The following ZNF710 variants were observed in gnomAD, a reference collection of about 807,000 sequenced individuals.
ZNF710 encodes the protein zinc finger protein 710.
In ZNF710, 13 loss-of-function variants were observed where a neutral mutation model predicts 50.6. The ratio of observed to expected loss-of-function variants is 0.26; its 90% CI spans 0.17 to 0.41. ZNF710 has a LOEUF of 0.41. Ranked by LOEUF, ZNF710 falls within the 10% of genes least tolerant of loss-of-function variation. The pLI is 1.00. For synonymous variants in ZNF710, 383 were observed against 397.0 expected, an observed-to-expected ratio of 0.96 and a Z score of 0.42; for missense variants, 721 against 936.6, an observed-to-expected ratio of 0.77 and a Z score of 3.01.
At chr15:90,064,364 T>A (rs1900104624) in intron 1 of ZNF710, among the ~76,000 whole-genome samples, 1 of 152,250 alleles carries the variant, frequency 6.6e-6, no homozygotes, top group South Asian at 2.1e-4. Context: ...ATGAGTTCTC[T>A]AGTGGTTGTC....
chr15:90,047,503 G>A (rs1200718262), intron 1 of ZNF710, among the ~76,000 whole-genome samples: 1 of 152,046 alleles, frequency 6.6e-6, no homozygotes, highest in Admixed American at 6.6e-5. Context: ...CCATTTCTAC[G>A]CCTCACAGAC....
Position 90,040,831 on chromosome 15 carries a change from C to A in ZNF710, c.-28-26279C>A, listed in dbSNP as rs919991648. The stretch of plus-strand genomic sequence containing the variant: ...CAGTGATTTCTTGATTTATCAATTT[C>A]GGACATTATCTTTTGCCTCCATATT... On this transcript the variant is annotated intron_variant, in intron 1 of 4. Coordinates refer to ENST00000268154, the MANE Select transcript of ZNF710 (RefSeq NM_198526.4). The surrounding 1 kb of genome is among the most constrained non-coding windows in gnomAD (Gnocchi z 4.6). Among the ~76,000 whole-genome samples the A allele has an allele frequency of 6.6e-6, 1 of 152,100 alleles. No homozygotes were observed.
intron 1 of ZNF710, among the ~76,000 whole-genome samples, chr15:90,058,661 T>A (rs1899902980): frequency 6.6e-6 from 1 of 150,986 alleles, no homozygotes; most frequent in Non-Finnish European, 1.5e-5. Context: ...CAGTCAGGGT[T>A]CTAGAGTAAG....
chr15:90,052,342 G>T (rs976947804), intron 1 of ZNF710, among the ~76,000 whole-genome samples: 1 of 152,120 alleles, frequency 6.6e-6, no homozygotes, highest in Admixed American at 6.6e-5. Flanking sequence ...GCCATCATCG[G>T]TTTGCTTCAT....
intron 1 of ZNF710, 138 bp downstream of exon 1, chr15:90,001,752 G>A (rs1041815293): frequency 4.1e-5 from 6 of 145,520 alleles, no homozygotes; most frequent in African/African-American, 7.4e-5. Context: ...TCTCCCTGGG[G>A]ACGGCCGCGC....
chr15:90,016,591 A>G (rs1898462800), intron 1 of ZNF710, among the ~76,000 whole-genome samples: 1 of 152,098 alleles, frequency 6.6e-6, no homozygotes, highest in Non-Finnish European at 1.5e-5. Flanking sequence ...ACAGGCATGT[A>G]CCATCATGCC....
At position 90,077,121 on chromosome 15, in the gene ZNF710, T is replaced by C. The variant is rs551406242; in HGVS notation, c.1826-2539T>C. Among the ~76,000 whole-genome samples the C allele has an allele frequency of 2.0e-4, 30 of 152,156 alleles. No homozygotes were observed. In the East Asian group the frequency reaches 5.6e-3, roughly 28 times the overall value. On this transcript the variant is annotated intron_variant, in intron 4 of 4. Coordinates refer to ENST00000268154, the MANE Select transcript of ZNF710 (RefSeq NM_198526.4). ...GCTGTCATTTGGGGAGGTGGATCAA[T>C]GTCCTTATAAAAAATGCTACAGACT...
In ZNF710 at chr15:90,053,803, G is replaced by GC. The variant is rs34083480; in HGVS notation, c.-28-13300dup. Among the ~76,000 whole-genome samples, 2 of 151,980 alleles carry GC rather than the reference G, an allele frequency of 1.3e-5. 1 individual carries two copies. The highest frequency in any genetic ancestry group is 2.9e-5 in the Non-Finnish European group (2 of 67,974). The stretch of plus-strand genomic sequence containing the variant: ...TCTCTGGGATGCCTCCTCCCAGGGA[G>GC]CCCCCCCAACACACACTTCCCACCC... On this transcript the variant is annotated intron_variant, in intron 1 of 4. Transcript: ENST00000268154.
In ZNF710 at chr15:90,067,001, T is replaced by A. The variant is rs957335306; in HGVS notation, c.-28-109T>A. On this transcript the variant is annotated intron_variant, in intron 1 of 4. Transcript: ENST00000268154. This position sits in a 1 kb window ranked among gnomAD's most constrained non-coding sequence, Gnocchi z 8.1. ...CCCAAGGCCAGGAGTAGAAAAGACA[T>A]CAGAGCCAGACACACCCAAAATCAG... 1.6e-6 allele frequency: 2 copies of A among 1,250,238 alleles called. No individual in the cohort carries two copies. Among genetic ancestry groups the A allele is most frequent in the Non-Finnish European group, 2.2e-6 (2 of 928,340 alleles). The allele number at this position is 1,250,238 out of a possible 1,614,324, so 77.4% of individuals were successfully genotyped here. A position where few individuals can be genotyped will look rare whatever the true frequency, so the allele number is the denominator to read the frequency against.
At chr15:90,046,525 C>T (rs540664134) in intron 1 of ZNF710, among the ~76,000 whole-genome samples, 19 of 152,042 alleles carry the variant, frequency 1.2e-4, no homozygotes, top group African/African-American at 4.3e-4. Context: ...GTATGGAGGG[C>T]GGCAGGAGAA....
chr15:90,051,246 A>T (rs1031740714), intron 1 of ZNF710, among the ~76,000 whole-genome samples: 2 of 150,284 alleles, frequency 1.3e-5, no homozygotes, highest in Admixed American at 1.3e-4. Context: ...CTCAAAAAAA[A>T]AAAAAAAAAA....
At chr15:90,054,481 G>T (rs1899747662) in intron 1 of ZNF710, among the ~76,000 whole-genome samples, 1 of 152,216 alleles carries the variant, frequency 6.6e-6, no homozygotes, top group African/African-American at 2.4e-5. Flanking sequence ...GGAGAGGGCT[G>T]GGTCTCGGCC....
chr15:90,072,874 T>TTC (rs1900439333), intron 2 of ZNF710, among the ~76,000 whole-genome samples, 197 bp from the exon 3 acceptor site: 1 of 152,048 alleles, frequency 6.6e-6, no homozygotes, highest in Non-Finnish European at 1.5e-5. Context: ...CTTCCTGGAG[T>TTC]AAGTGGCTCT....
intron 1 of ZNF710, among the ~76,000 whole-genome samples, chr15:90,039,269 A>G (rs1234885042): frequency 6.6e-6 from 1 of 151,076 alleles, no homozygotes; most frequent in Non-Finnish European, 1.5e-5. Flanking sequence ...GCAGAGCGAG[A>G]CTGTCTCAAA....
chr15:90,023,540 C>T (rs772718655), intron 1 of ZNF710, among the ~76,000 whole-genome samples: 1 of 152,188 alleles, frequency 6.6e-6, no homozygotes. Flanking sequence ...GCAGGTGAAC[C>T]AGGCATGGTG....
chr15:90,024,938 A>G (rs1272521122), intron 1 of ZNF710: 1 of 152,200 alleles, frequency 6.6e-6, no homozygotes, highest in Non-Finnish European at 1.5e-5. Flanking sequence ...CTGGCAGTTG[A>G]CCTTGGGTTG....
In ZNF710 at chr15:90,067,482, G is replaced by A. The variant is rs2151527448; in HGVS notation, c.345G>A (p.Glu115=). 3.7e-6 allele frequency: 6 copies of A among 1,613,428 alleles called. No individual in the cohort carries two copies. In the South Asian group the frequency reaches 5.5e-5, roughly 15 times the overall value. ...CCAAGGTCAAGTTCGAGAAGGTGGA[G>A]GAGGAGGAACAGGAGGTCTATGAGG... ...LVPKVKFEKV[E]EEEQEVYEVS... The change falls in exon 2 of 5, where the codon GAG becomes GAA. Residue 115 remains glutamate, a synonymous_variant. Coordinates refer to ENST00000268154, the MANE Select transcript of ZNF710 (RefSeq NM_198526.4). This position sits in a 1 kb window ranked among gnomAD's most constrained non-coding sequence, Gnocchi z 8.1.
chr15:90,067,309 G>A lies in ZNF710; in HGVS notation c.172G>A (p.Glu58Lys). 1 of 1,609,374 alleles carries A rather than the reference G, an allele frequency of 6.2e-7. No homozygotes were observed. The highest frequency in any genetic ancestry group is 8.5e-7 in the Non-Finnish European group (1 of 1,178,140). The change falls in exon 2 of 5, where the codon GAG (glutamate) becomes AAG (lysine). Residue 58 changes from glutamate to lysine, a missense_variant. Physicochemically the swap from Glu to Lys is moderately conservative, Grantham distance 56 (BLOSUM62 1). Transcript: ENST00000268154. This position sits in a 1 kb window ranked among gnomAD's most constrained non-coding sequence, Gnocchi z 8.1. Reference sequence around the variant, plus strand: ...CGAGCTTTCAGGGGCAGCCATGGGAGAGCCCGAGCCACCAGGCCCCGACGT... The same window carrying A: ...CGAGCTTTCAGGGGCAGCCATGGGAAAGCCCGAGCCACCAGGCCCCGACGT... ...GPELSGAAMG[E>K]PEPPGPDVYQ...
chr15:90,031,033 A>AAAC (rs1411206805), intron 1 of ZNF710, among the ~76,000 whole-genome samples: 4 of 151,080 alleles, frequency 2.6e-5, no homozygotes, highest in Admixed American at 2.6e-4. Flanking sequence ...AAAAAGAAAA[A>AAAC]AAAAAAAATG....
Sources: gnomAD v4.1 joint callset for allele counts (sites outside exome capture counted in the v4.1 genomes callset) on GRCh38, gnomAD v4.1.1 for gene constraint, Gnocchi (gnomAD v3.1) non-coding constraint, MANE v1.5 for transcripts, NCBI Gene and HGNC (gene_info 2026-07-23, HGNC 2026-07-21) for gene names.